Variants in CDH4 observed in about 807,000 individuals in gnomAD.
The protein encoded by CDH4 is cadherin 4.
CDH4 carries 33 observed loss-of-function variants against 86.0 expected under a neutral mutation model. The ratio of observed to expected loss-of-function variants is 0.38; its 90% CI spans 0.29 to 0.51. The LOEUF (loss-of-function observed/expected upper bound fraction) is 0.51, where lower values mean the gene tolerates loss of function less well. CDH4 is among the 20% of genes least tolerant of loss of function. The pLI, the probability that CDH4 is intolerant of heterozygous loss-of-function variation, is 0.86. For missense variants in CDH4, 1,114 were observed against 1,307.4 expected, an observed-to-expected ratio of 0.85 and a Z score of 2.28; for synonymous variants, 555 against 549.4, an observed-to-expected ratio of 1.01 and a Z score of -0.14.
chr20:61,654,105 A>G (rs2087160340), intron 2 of CDH4, among the ~76,000 whole-genome samples: 1 of 152,072 alleles, frequency 6.6e-6, no homozygotes, highest in Non-Finnish European at 1.5e-5. Context: ...GCGAGCTGAG[A>G]TCACGCCACT....
At chr20:61,746,315 G>C (rs535618756) in intron 3 of CDH4, among the ~76,000 whole-genome samples, 1 of 152,278 alleles carries the variant, frequency 6.6e-6, no homozygotes, top group East Asian at 1.9e-4. Context: ...AGGGCACAGT[G>C]GGCAGTCTCT....
At chr20:61,654,118 A>C (rs2087160608) in intron 2 of CDH4, among the ~76,000 whole-genome samples, 1 of 152,070 alleles carries the variant, frequency 6.6e-6, no homozygotes, top group Admixed American at 6.5e-5. Context: ...ACGCCACTGC[A>C]CTCCAGCCTG....
At chr20:61,821,065 C>T (rs1397310242) in intron 4 of CDH4, among the ~76,000 whole-genome samples, 1 of 151,524 alleles carries the variant, frequency 6.6e-6, no homozygotes, top group African/African-American at 2.4e-5. Context: ...CTGCCAGCTC[C>T]CACTCCCCAA....
intron 2 of CDH4, among the ~76,000 whole-genome samples, chr20:61,612,821 G>C (rs926333672): frequency 6.6e-6 from 1 of 152,088 alleles, no homozygotes; most frequent in African/African-American, 2.4e-5. Context: ...CTTGGCTTTG[G>C]CATTTGGTGT....
In CDH4 at chr20:61,822,992, G is replaced by T. The variant is rs906516214; in HGVS notation, c.577-21676G>T. 2.6e-5 allele frequency among the ~76,000 whole-genome samples: 4 copies of T among 152,226 alleles called. No individual in the cohort carries two copies. In the South Asian group the frequency reaches 8.3e-4, roughly 32 times the overall value. ...GAACTGGGGAATGCAGGTGCAGGGA[G>T]AAGGAGATTCCATTTAAGGAGTTAG... On this transcript the variant is annotated intron_variant, in intron 4 of 15. Coordinates refer to ENST00000614565, the MANE Select transcript of CDH4 (RefSeq NM_001794.5).
Position 61,939,213 on chromosome 20 carries a change from C to T in CDH4, c.*2270C>T, listed in dbSNP as rs867511697. 4 of 152,414 alleles carry T rather than the reference C, an allele frequency of 2.6e-5. No individual in the cohort carries two copies. The highest frequency in any genetic ancestry group is 7.2e-5 in the African/African-American group (3 of 41,568). The allele number at this position is 152,414 out of a possible 1,614,324, so 9.4% of individuals were successfully genotyped here. ...CCGGGAGCCAGGGCAGCATGAACTC[C>T]TTTCTCTGAAATTTCGAGGCCTCCT... On this transcript the variant is annotated 3_prime_UTR_variant, in exon 16 of 16. Coordinates refer to ENST00000614565, the MANE Select transcript of CDH4 (RefSeq NM_001794.5).
In CDH4 at chr20:61,703,577, T is replaced by A. The variant is rs1192115513; in HGVS notation, c.170-39986T>A. ...ATCAAAGCTCCTCGTCCCCAGCTTG[T>A]GTCCCTTCCCCGTCGCACCTCTTCC... On this transcript the variant is annotated intron_variant, in intron 2 of 15. Transcript: ENST00000614565. This position sits in a 1 kb window ranked among gnomAD's most constrained non-coding sequence, Gnocchi z 4.3. Among the ~76,000 whole-genome samples, 1 of 152,202 alleles carries A rather than the reference T, an allele frequency of 6.6e-6. No homozygotes were observed. Among genetic ancestry groups the A allele is most frequent in the Non-Finnish European group, 1.5e-5 (1 of 68,034 alleles).
At chr20:61,603,634 C>T (rs1037020601) in intron 2 of CDH4, among the ~76,000 whole-genome samples, 9 of 152,180 alleles carry the variant, frequency 5.9e-5, no homozygotes, top group East Asian at 1.9e-4. Flanking sequence ...ATGCCCACCC[C>T]GTCTGCCCAG....
chr20:61,718,590 G>C, intron 2 of CDH4: 1 of 354,140 alleles, frequency 2.8e-6, no homozygotes, highest in South Asian at 2.1e-5. Flanking sequence ...GGCTCACAGG[G>C]CAGAGCGCTG....
intron 7 of CDH4, among the ~76,000 whole-genome samples, chr20:61,885,250 T>TA (rs1411352232): frequency 6.6e-6 from 1 of 152,168 alleles, no homozygotes; most frequent in African/African-American, 2.4e-5. Flanking sequence ...CACCTTGACT[T>TA]AGCTCCAGGA....
chr20:61,475,133 C>T (rs975086879), intron 2 of CDH4, among the ~76,000 whole-genome samples: 1 of 152,158 alleles, frequency 6.6e-6, no homozygotes, highest in Non-Finnish European at 1.5e-5. Flanking sequence ...ATGAAAGTCA[C>T]TGTACAAAAG....
At position 61,435,958 on chromosome 20, in the gene CDH4, A is replaced by G. The variant is rs1600681359; in HGVS notation, c.169+181021A>G. Among the ~76,000 whole-genome samples the G allele has an allele frequency of 2.0e-5, 3 of 150,154 alleles. No homozygotes were observed. The South Asian group carries it at 6.3e-4, about 32-fold the overall frequency. Reference sequence around the variant, plus strand: ...GGCCAGTGTGGCCTGGCCCTGCCCCACCTCCCCTCGCCTTCTCCAGTCTGG... The same window carrying G: ...GGCCAGTGTGGCCTGGCCCTGCCCCGCCTCCCCTCGCCTTCTCCAGTCTGG... On this transcript the variant is annotated intron_variant, in intron 2 of 15. Coordinates refer to ENST00000614565, the MANE Select transcript of CDH4 (RefSeq NM_001794.5).
intron 2 of CDH4, among the ~76,000 whole-genome samples, chr20:61,277,164 C>T (rs1403004420): frequency 6.6e-6 from 1 of 152,212 alleles, no homozygotes; most frequent in Admixed American, 6.5e-5. Flanking sequence ...GCCATTTCCC[C>T]TGTGGGAATC....
chr20:61,584,117 G>T (rs114892976), intron 2 of CDH4, among the ~76,000 whole-genome samples: 1 of 152,166 alleles, frequency 6.6e-6, no homozygotes, highest in Non-Finnish European at 1.5e-5. Context: ...CCAAGATCAC[G>T]CCACTGCACT....
intron 2 of CDH4, among the ~76,000 whole-genome samples, chr20:61,536,372 G>A (rs562165099): frequency 3.3e-5 from 5 of 152,124 alleles, no homozygotes; most frequent in South Asian, 4.2e-4. Context: ...GGAAGAGGCC[G>A]CACCCAAACA....
chr20:61,830,756 C>T lies in CDH4; in HGVS notation c.577-13912C>T, dbSNP rs979035732. Among the ~76,000 whole-genome samples, 14 of 152,272 alleles carry T rather than the reference C, an allele frequency of 9.2e-5. 1 individual carries two copies. The highest frequency in any genetic ancestry group is 8.5e-4 in the Admixed American group (13 of 15,294). ...CGGCAGGAGCGGGCGGCGCTGGCTT[C>T]ACTCCGCGGTCATTTACTTCCGCTT... On this transcript the variant is annotated intron_variant, in intron 4 of 15. Transcript: ENST00000614565.
At chr20:61,268,939 C>T (rs1362698275) in intron 2 of CDH4, among the ~76,000 whole-genome samples, 1 of 152,064 alleles carries the variant, frequency 6.6e-6, no homozygotes, top group South Asian at 2.1e-4. Flanking sequence ...AGGCTCTGGA[C>T]GATTTGTGGG....
At chr20:61,846,169 C>A (rs1982443344) in intron 5 of CDH4, among the ~76,000 whole-genome samples, 1 of 152,262 alleles carries the variant, frequency 6.6e-6, no homozygotes, top group Non-Finnish European at 1.5e-5. Context: ...GCTGCCCTAA[C>A]CCCGGTCTGC....
intron 2 of CDH4, among the ~76,000 whole-genome samples, chr20:61,595,832 G>C (rs923938022): frequency 2.0e-5 from 3 of 152,192 alleles, no homozygotes; most frequent in Admixed American, 6.5e-5. Flanking sequence ...CAGGGACCAG[G>C]CTCCAGTGCT....
Sources: gnomAD v4.1 joint callset for allele counts (sites outside exome capture counted in the v4.1 genomes callset) on GRCh38, gnomAD v4.1.1 for gene constraint, Gnocchi (gnomAD v3.1) non-coding constraint, MANE v1.5 for transcripts, NCBI Gene and HGNC (gene_info 2026-07-23, HGNC 2026-07-21) for gene names.